Variants in CNTN1 observed in about 807,000 individuals in gnomAD.
CNTN1 encodes the protein contactin 1, also known as contactin-1.
CNTN1 carries 38 observed loss-of-function variants against 126.4 expected under a neutral mutation model. The observed-to-expected ratio is 0.30, with a 90% CI of 0.23 to 0.39. CNTN1 has a LOEUF of 0.39. Among genes scored for constraint, CNTN1 ranks in the 10% least tolerant of loss-of-function variants. The pLI, the probability that CNTN1 is intolerant of heterozygous loss-of-function variation, is 1.00. For synonymous variants in CNTN1, 413 were observed against 422.6 expected (o/e 0.98, Z 0.28); for missense variants, 1,009 against 1,248.4 (o/e 0.81, Z 2.89).
rs756976228 is a variant in CNTN1 at position 40,795,301 on chromosome 12, ACACACACACACACACACATT to A, written c.-77+102710_-77+102729del. Among the ~76,000 whole-genome samples, 82 of 94,720 alleles carry A rather than the reference ACACACACACACACACACATT, an allele frequency of 8.7e-4. 1 individual carries two copies. Among genetic ancestry groups the A allele is most frequent in the Non-Finnish European group, 1.1e-3 (47 of 42,464 alleles). 62.1% of individuals were successfully genotyped at this position (94,720 alleles called of 152,430 possible). The stretch of plus-strand genomic sequence containing the variant: ...CACACACACACACACACACACACAC[ACACACACACACACACACATT>A]TTTTTTTTTTTTTTGAAACAAAGTC... On this transcript the variant is annotated intron_variant, in intron 1 of 23. Transcript: ENST00000551295.
intron 1 of CNTN1, among the ~76,000 whole-genome samples, chr12:40,904,308 C>T (rs1008605346): frequency 2.6e-5 from 4 of 152,000 alleles, no homozygotes; most frequent in Non-Finnish European, 5.9e-5. Context: ...TGAGCCACCC[C>T]GCCCAGCCCT....
chr12:41,005,863 T>C (rs1948479892), intron 17 of CNTN1, among the ~76,000 whole-genome samples: 1 of 152,202 alleles, frequency 6.6e-6, no homozygotes, highest in Non-Finnish European at 1.5e-5. Flanking sequence ...TGGGTTACAG[T>C]ATACTGCTCT....
intron 1 of CNTN1, among the ~76,000 whole-genome samples, chr12:40,708,846 C>A (rs892025488): frequency 2.0e-5 from 3 of 152,170 alleles, no homozygotes; most frequent in African/African-American, 7.2e-5. Flanking sequence ...GCAATTCAGT[C>A]AAATATTCGA....
At chr12:41,024,152 G>T (rs1948987407) in intron 20 of CNTN1, among the ~76,000 whole-genome samples, 1 of 152,092 alleles carries the variant, frequency 6.6e-6, no homozygotes, top group Non-Finnish European at 1.5e-5. Context: ...GAGCCATCCT[G>T]TTGCACTTCA....
At chr12:40,891,601 G>T (rs993571228) in intron 1 of CNTN1, among the ~76,000 whole-genome samples, 1 of 151,920 alleles carries the variant, frequency 6.6e-6, no homozygotes, top group Non-Finnish European at 1.5e-5. Context: ...TTGTTGTTGC[G>T]CATGGATGTC....
At chr12:40,991,406 A>G (rs1162690002) in intron 16 of CNTN1, among the ~76,000 whole-genome samples, 1 of 150,462 alleles carries the variant, frequency 6.6e-6, no homozygotes, top group Admixed American at 6.6e-5. Flanking sequence ...TTTTTTTTCC[A>G]TATAAGATAA....
chr12:40,795,595 A>T (rs1280255965), intron 1 of CNTN1, among the ~76,000 whole-genome samples: 1 of 152,066 alleles, frequency 6.6e-6, no homozygotes, highest in Non-Finnish European at 1.5e-5. Context: ...ACACACACAC[A>T]TATAATGCTT....
At chr12:40,918,221 C>T (rs1395033990) in intron 3 of CNTN1, among the ~76,000 whole-genome samples, 1 of 151,976 alleles carries the variant, frequency 6.6e-6, no homozygotes. Context: ...AAAAGAGGAC[C>T]AATAAAAGCC....
rs1028271423 is a variant in CNTN1 at position 40,774,886 on chromosome 12, G to GTACAT, written c.-77+82295_-77+82299dup. Among the ~76,000 whole-genome samples the GTACAT allele has an allele frequency of 2.6e-5, 4 of 151,040 alleles. No homozygotes were observed. The Admixed American group carries it at 2.6e-4, about 10-fold the overall frequency. ...TTATTAGTATGGTTAAATAATAGTTGTACATATTTATAAGGTACATGTGAT... is the reference window on the plus strand; with the variant it reads ...TTATTAGTATGGTTAAATAATAGTTGTACATTACATATTTATAAGGTACATGTGAT... On this transcript the variant is annotated intron_variant, in intron 1 of 23. Coordinates refer to ENST00000551295, the MANE Select transcript of CNTN1 (RefSeq NM_001843.4).
At chr12:40,813,058 T>TCTTTCTTTCTTTCTTTCTTTCTTTCTTC (rs71078274) in intron 1 of CNTN1, among the ~76,000 whole-genome samples, 53 of 104,724 alleles carry the variant, frequency 5.1e-4, no homozygotes, top group Non-Finnish European at 9.1e-4. Context: ...TTTCTTTCTT[T>TCTTTCTTTCTTTCTTTCTTTCTTTCTTC]CTTCCTTCCT....
At chr12:40,929,686 C>T in intron 6 of CNTN1, 110 bp from the exon 7 acceptor site, 4 of 808,086 alleles carry the variant, frequency 4.9e-6, no homozygotes, top group South Asian at 1.5e-5. Context: ...AACATTTGCT[C>T]CACAATAGCC....
chr12:40,821,355 C>T (rs1357592157), intron 1 of CNTN1, among the ~76,000 whole-genome samples: 2 of 152,022 alleles, frequency 1.3e-5, no homozygotes, highest in Non-Finnish European at 2.9e-5. Context: ...ATGCCTTCCT[C>T]CAGGAGCATT....
In CNTN1 at chr12:40,720,829, T is replaced by A. The variant is rs1338418536; in HGVS notation, c.-77+28237T>A. Among the ~76,000 whole-genome samples the A allele has an allele frequency of 2.0e-5, 3 of 152,036 alleles. No individual in the cohort carries two copies. The East Asian group carries it at 5.8e-4, about 29-fold the overall frequency. Reference sequence around the variant, plus strand: ...CTGTAATCCTAGCTACTCGGGAGGCTGAGGCAGGGGAATCCCTCGAACCAG... The same window carrying A: ...CTGTAATCCTAGCTACTCGGGAGGCAGAGGCAGGGGAATCCCTCGAACCAG... On this transcript the variant is annotated intron_variant, in intron 1 of 23. Coordinates refer to ENST00000551295, the MANE Select transcript of CNTN1 (RefSeq NM_001843.4).
intron 1 of CNTN1, among the ~76,000 whole-genome samples, chr12:40,793,890 G>A (rs923939527): frequency 6.6e-6 from 1 of 151,848 alleles, no homozygotes; most frequent in African/African-American, 2.4e-5. Flanking sequence ...CTATTATAAT[G>A]TAGTACTATT....
At chr12:40,779,911 T>C (rs991110587) in intron 1 of CNTN1, among the ~76,000 whole-genome samples, 4 of 151,904 alleles carry the variant, frequency 2.6e-5, no homozygotes, top group Non-Finnish European at 5.9e-5. Flanking sequence ...TTTCTGCCAT[T>C]GTTATGAGGA....
chr12:40,862,744 A>C (rs312278), intron 1 of CNTN1, among the ~76,000 whole-genome samples: 100,005 of 151,976 alleles, frequency 0.66, 33,860 homozygotes, highest in African/African-American at 0.83. Flanking sequence ...TGAATTTAAC[A>C]CTCTTTTCTG....
At position 40,851,757 on chromosome 12, in the gene CNTN1, T is replaced by C. The variant is rs1942723034; in HGVS notation, c.-76-56600T>C. On this transcript the variant is annotated intron_variant, in intron 1 of 23. Coordinates refer to ENST00000551295, the MANE Select transcript of CNTN1 (RefSeq NM_001843.4). Reference sequence around the variant, plus strand: ...CCTCTCAAATCTGCCTCCCCAAAGATAAGGCTTAGCGATATTTATGAGTTA... The same window carrying C: ...CCTCTCAAATCTGCCTCCCCAAAGACAAGGCTTAGCGATATTTATGAGTTA... 2.0e-5 allele frequency among the ~76,000 whole-genome samples: 3 copies of C among 151,846 alleles called. No individual in the cohort carries two copies. In the South Asian group the frequency reaches 6.2e-4, roughly 32 times the overall value.
At chr12:40,734,997 G>A (rs1039347403) in intron 1 of CNTN1, among the ~76,000 whole-genome samples, 3 of 152,088 alleles carry the variant, frequency 2.0e-5, no homozygotes, top group Non-Finnish European at 4.4e-5. Flanking sequence ...CATTTTACTA[G>A]GCATACGATT....
At chr12:40,982,747 A>G (rs1947852331) in intron 16 of CNTN1, among the ~76,000 whole-genome samples, 1 of 152,158 alleles carries the variant, frequency 6.6e-6, no homozygotes, top group Non-Finnish European at 1.5e-5. Context: ...AGTAGAAGAG[A>G]TGCCAATACA....
Sources: allele counts gnomAD v4.1 joint callset (sites outside exome capture counted in the v4.1 genomes callset), GRCh38; gene constraint gnomAD v4.1.1; transcripts MANE v1.5; gene names NCBI Gene and HGNC (gene_info 2026-07-23, HGNC 2026-07-21).